ISM1: variants seen among roughly 807,000 people sequenced by gnomAD.
ISM1 encodes isthmin-1.
A neutral mutation model predicts 46.3 loss-of-function variants in ISM1; 25 were observed. That is an observed-to-expected ratio of 0.54 (90% CI 0.39 to 0.75). The LOEUF (loss-of-function observed/expected upper bound fraction) is 0.75, where lower values mean the gene tolerates loss of function less well. Ranked by LOEUF, ISM1 falls within the 30% of genes least tolerant of loss-of-function variation. The pLI, the probability that ISM1 is intolerant of heterozygous loss-of-function variation, is 0.00. For missense variants in ISM1, 536 were observed against 625.4 expected, an observed-to-expected ratio of 0.86 and a Z score of 1.52; for synonymous variants, 255 against 256.7, an observed-to-expected ratio of 0.99 and a Z score of 0.06.
chr20:13,311,533 A>T, the ISM1 span, among the ~76,000 whole-genome samples: 1 of 152,222 alleles, frequency 6.6e-6, no homozygotes, highest in Non-Finnish European at 1.5e-5. Context: ...TGAAATCAAC[A>T]TAAGTGTTCA....
In ISM1 at chr20:13,290,581, G is replaced by A. The variant is rs534815521; in HGVS notation, c.788-1793G>A. Reference sequence around the variant, plus strand: ...GGAGAATGGCAGGAACCCGGGAGGCGGAGCTTGCAGTGAGCCAAGTGAGCC... The same window carrying A: ...GGAGAATGGCAGGAACCCGGGAGGCAGAGCTTGCAGTGAGCCAAGTGAGCC... On this transcript the variant is annotated intron_variant, in intron 4 of 5. Transcript: ENST00000262487. 7.2e-5 allele frequency among the ~76,000 whole-genome samples: 11 copies of A among 152,120 alleles called. No homozygotes were observed. The East Asian group carries it at 7.7e-4, about 11-fold the overall frequency.
chr20:13,324,944 C>T, the ISM1 span, among the ~76,000 whole-genome samples: 1 of 152,220 alleles, frequency 6.6e-6, no homozygotes, highest in Non-Finnish European at 1.5e-5. Context: ...TTGATGACCA[C>T]ATTTTAACAC....
intron 5 of ISM1, among the ~76,000 whole-genome samples, chr20:13,297,669 G>T (rs919568828): frequency 2.0e-5 from 3 of 152,214 alleles, no homozygotes; most frequent in African/African-American, 4.8e-5. Context: ...CTGTTCACAG[G>T]ATCAGTTGTT....
intron 5 of ISM1, among the ~76,000 whole-genome samples, chr20:13,293,600 C>G (rs1157936722): frequency 6.6e-6 from 1 of 151,994 alleles, no homozygotes; most frequent in South Asian, 2.1e-4. Flanking sequence ...GTCAGGTAAG[C>G]ATCTCAGTAG....
chr20:13,257,873 C>G (rs955353877), intron 1 of ISM1, among the ~76,000 whole-genome samples: 1 of 152,062 alleles, frequency 6.6e-6, no homozygotes, highest in Admixed American at 6.6e-5. Flanking sequence ...CCAGGGAATT[C>G]AAAGTGGCTG....
At chr20:13,311,136 G>C in the ISM1 span, among the ~76,000 whole-genome samples, 1 of 152,152 alleles carries the variant, frequency 6.6e-6, no homozygotes, top group Non-Finnish European at 1.5e-5. Flanking sequence ...GGAGGTTGCA[G>C]TGAGCTGAGA....
chr20:13,269,249 C>T (rs574280332), intron 1 of ISM1, among the ~76,000 whole-genome samples: 39 of 152,088 alleles, frequency 2.6e-4, no homozygotes, highest in Admixed American at 7.9e-4. Flanking sequence ...AAATGCTATC[C>T]CTGAAGGCTG....
the ISM1 span, among the ~76,000 whole-genome samples, chr20:13,316,568 G>A: frequency 6.6e-6 from 1 of 151,570 alleles, no homozygotes; most frequent in Non-Finnish European, 1.5e-5. Context: ...ATCCAGTAAT[G>A]GACAAAAATA....
chr20:13,261,373 G>A (rs1045608776), intron 1 of ISM1, among the ~76,000 whole-genome samples: 50 of 151,558 alleles, frequency 3.3e-4, no homozygotes, highest in Admixed American at 3.2e-3. Flanking sequence ...AGCCGAGATC[G>A]CGCCATTGCC....
chr20:13,238,256 G>A (rs2039675732), intron 1 of ISM1: 1 of 152,102 alleles, frequency 6.6e-6, no homozygotes, highest in Non-Finnish European at 1.5e-5. Flanking sequence ...GTGACTTTTG[G>A]GGACTAATTT....
intron 1 of ISM1, among the ~76,000 whole-genome samples, chr20:13,265,813 A>G (rs2040036716): frequency 6.6e-6 from 1 of 152,148 alleles, no homozygotes; most frequent in African/African-American, 2.4e-5. Flanking sequence ...AGCATTGTCA[A>G]TGTTAACATT....
chr20:13,290,460 T>C (rs905380434), intron 4 of ISM1, among the ~76,000 whole-genome samples: 1 of 152,122 alleles, frequency 6.6e-6, no homozygotes, highest in Non-Finnish European at 1.5e-5. Flanking sequence ...CCATCCTGGC[T>C]AACACGGTGA....
chr20:13,306,564 C>CAAAAAAAAAAAAAAAAAAAAAAG, the ISM1 span, among the ~76,000 whole-genome samples: 2 of 63,914 alleles, frequency 3.1e-5, no homozygotes, highest in African/African-American at 7.2e-5. Context: ...GGAGAAAGGA[C>CAAAAAAAAAAAAAAAAAAAAAAG]AAAAAAAAAA....
chr20:13,253,182 TCA>T (rs1408386829), intron 1 of ISM1, among the ~76,000 whole-genome samples: 1 of 152,172 alleles, frequency 6.6e-6, no homozygotes, highest in African/African-American at 2.4e-5. Flanking sequence ...GAACCAAGTC[TCA>T]CAGTTCATCC....
At chr20:13,224,788 C>T (rs1001652047) in intron 1 of ISM1, among the ~76,000 whole-genome samples, 1 of 151,642 alleles carries the variant, frequency 6.6e-6, no homozygotes, top group Non-Finnish European at 1.5e-5. Context: ...TTATTAAGTG[C>T]CTTTTATGTG....
rs2039447992 is a variant in ISM1, at chr20:13,221,589, G to A, written c.-188G>A. Among the ~76,000 whole-genome samples the A allele has an allele frequency of 6.9e-6, 1 of 145,540 alleles. No homozygotes were observed. The highest frequency in any genetic ancestry group is 2.5e-5 in the African/African-American group (1 of 40,588). ...GGCGGCGGCGGCGCCGGCAGCTCCT[G>A]CTCCCCCGGCCCCGCACACCCCGCC... On this transcript the variant is annotated 5_prime_UTR_variant, in exon 1 of 6. Transcript: ENST00000262487.
chr20:13,279,711 A>G lies in ISM1; in HGVS notation c.456A>G (p.Ser152=), dbSNP rs1333778653. The G allele has an allele frequency of 6.2e-7, 1 of 1,614,076 alleles. No homozygotes were observed. The highest frequency in any genetic ancestry group is 8.5e-7 in the Non-Finnish European group (1 of 1,179,902). ...ATCCGGAGAATAAGCCCAGCTGGTCAGTCCCATCCCCCGACTGGCGGGCCT... is the reference window on the plus strand; with the variant it reads ...ATCCGGAGAATAAGCCCAGCTGGTCGGTCCCATCCCCCGACTGGCGGGCCT... ...DQHPENKPSW[S]VPSPDWRAWW... Residue 152 remains serine (S), a synonymous_variant, in exon 3 of 6, where the codon TCA becomes TCG. Transcript: ENST00000262487.
chr20:13,250,098 C>A (rs1428635583), intron 1 of ISM1, among the ~76,000 whole-genome samples: 3 of 152,102 alleles, frequency 2.0e-5, no homozygotes, highest in Non-Finnish European at 4.4e-5. Flanking sequence ...TCTACCTTAA[C>A]AAAGAAATCT....
rs556288634 is a variant in ISM1, at chr20:13,272,800, C to T, written c.378+2057C>T. 5.1e-4 allele frequency among the ~76,000 whole-genome samples: 77 copies of T among 152,314 alleles called. 1 individual carries two copies. The highest frequency in any genetic ancestry group is 1.6e-3 in the African/African-American group (68 of 41,564). ...GGCAAGGAAGGCACTGACTTCATAC[C>T]GTTGCTCAACCTTGTTTCCTATCAT... On this transcript the variant is annotated intron_variant, in intron 2 of 5. Transcript: ENST00000262487.
Sources: gnomAD v4.1 joint callset for allele counts (sites outside exome capture counted in the v4.1 genomes callset) on GRCh38, gnomAD v4.1.1 for gene constraint, MANE v1.5 for transcripts, NCBI Gene and HGNC (gene_info 2026-07-23, HGNC 2026-07-21) for gene names.